Variants in MAP3K13 observed in about 807,000 individuals in gnomAD.
MAP3K13 encodes the protein mitogen-activated protein kinase kinase kinase 13.
A neutral mutation model predicts 104.0 loss-of-function variants in MAP3K13; 52 were observed. The observed-to-expected ratio is 0.50, with a 90% CI of 0.40 to 0.63. The LOEUF is 0.63. Ranked by LOEUF, MAP3K13 falls within the 20% of genes least tolerant of loss-of-function variation. The pLI, the probability that MAP3K13 is intolerant of heterozygous loss-of-function variation, is 0.00. For missense variants in MAP3K13, 914 were observed against 1,218.5 expected (o/e 0.75, Z 3.72); for synonymous variants, 394 against 442.2 (o/e 0.89, Z 1.37).
intron 1 of MAP3K13, among the ~76,000 whole-genome samples, chr3:185,377,452 A>G (rs113728087): frequency 0.079 from 12,037 of 152,036 alleles, 742 homozygotes; most frequent in East Asian, 0.19. Flanking sequence ...AAGGGCGGCA[A>G]TGAGGTGTGG....
intron 2 of MAP3K13, among the ~76,000 whole-genome samples, chr3:185,325,399 A>ACAGT (rs1722011737): frequency 6.6e-6 from 1 of 152,174 alleles, no homozygotes; most frequent in Non-Finnish European, 1.5e-5. Context: ...TTTTCCAAAT[A>ACAGT]CAGTCACATT....
chr3:185,416,730 G>GA (rs1317824739), intron 1 of MAP3K13, among the ~76,000 whole-genome samples: 11 of 151,904 alleles, frequency 7.2e-5, no homozygotes, highest in Admixed American at 2.6e-4. Flanking sequence ...CTGGGCTCAA[G>GA]TGATCCTCAG....
chr3:185,465,562 A>G (rs1427487700), intron 8 of MAP3K13, among the ~76,000 whole-genome samples, 185 bp from the exon 9 acceptor site: 1 of 152,148 alleles, frequency 6.6e-6, no homozygotes, highest in Non-Finnish European at 1.5e-5. Context: ...AACCAGGTGG[A>G]GAGCTTAGAT....
intron 1 of MAP3K13, among the ~76,000 whole-genome samples, chr3:185,366,486 A>G (rs1308166570): frequency 1.3e-5 from 2 of 152,174 alleles, no homozygotes; most frequent in Admixed American, 6.5e-5. Context: ...TGATTACTAT[A>G]TGTTTAACAT....
At chr3:185,425,917 A>G (rs1489524635) in intron 1 of MAP3K13, among the ~76,000 whole-genome samples, 1 of 152,140 alleles carries the variant, frequency 6.6e-6, no homozygotes, top group Non-Finnish European at 1.5e-5. Flanking sequence ...TGTGGCCGTT[A>G]TCTATCGGTC....
Position 185,363,314 on chromosome 3 carries a change from T to C in MAP3K13, c.-140T>C. The C allele has an allele frequency of 1.1e-5, 11 of 985,368 alleles. No homozygotes were observed. The highest frequency in any genetic ancestry group is 1.3e-5 in the Non-Finnish European group (11 of 829,910). 61.0% of individuals were successfully genotyped at this position (985,368 alleles called of 1,614,324 possible). On this transcript the variant is annotated 5_prime_UTR_variant, in exon 1 of 14. Coordinates refer to ENST00000265026, the MANE Select transcript of MAP3K13 (RefSeq NM_004721.5). ...TCTGCAAGGCTTTTAAAATTCACCT[T>C]ACATCTTTTCAAAGCAAGAAAATGG...
intron 3 of MAP3K13, among the ~76,000 whole-genome samples, chr3:185,438,019 G>A (rs2377498): frequency 0.59 from 89,845 of 152,030 alleles, 27,899 homozygotes; most frequent in Middle Eastern, 0.71. Context: ...TTGGCCGGGC[G>A]CAGTGGCTCA....
At chr3:185,451,070 A>G (rs1490675877) in intron 6 of MAP3K13, among the ~76,000 whole-genome samples, 1 of 152,246 alleles carries the variant, frequency 6.6e-6, no homozygotes, top group African/African-American at 2.4e-5. Flanking sequence ...AGCCTGAGTG[A>G]CAGAGCGAGA....
chr3:185,399,278 C>T (rs560971573), intron 1 of MAP3K13, among the ~76,000 whole-genome samples: 25 of 151,944 alleles, frequency 1.6e-4, no homozygotes, highest in African/African-American at 5.1e-4. Flanking sequence ...AAAATGGGTC[C>T]ATAAAATTTG....
intron 1 of MAP3K13, among the ~76,000 whole-genome samples, chr3:185,386,491 G>T (rs770973662): frequency 6.6e-6 from 1 of 152,076 alleles, no homozygotes; most frequent in Non-Finnish European, 1.5e-5. Context: ...AGATAATGTG[G>T]CTATTCCTAA....
chr3:185,420,089 GAA>G (rs1326149345), intron 1 of MAP3K13, among the ~76,000 whole-genome samples: 1 of 152,038 alleles, frequency 6.6e-6, no homozygotes, highest in Non-Finnish European at 1.5e-5. Flanking sequence ...AATCTTAACC[GAA>G]AATATAGGTA....
intron 3 of MAP3K13, among the ~76,000 whole-genome samples, chr3:185,441,593 G>A (rs1031712088): frequency 3.3e-5 from 5 of 152,148 alleles, no homozygotes; most frequent in Non-Finnish European, 7.3e-5. Flanking sequence ...TGCAAATAAA[G>A]GCTAATAGAT....
At chr3:185,417,507 C>T in intron 1 of MAP3K13, 1 of 1,597,710 alleles carries the variant, frequency 6.3e-7, no homozygotes. Flanking sequence ...ATGCAGCAGG[C>T]TTCTTTTCCT....
Position 185,473,538 on chromosome 3 carries a change from G to A in MAP3K13, c.2207G>A (p.Arg736Lys), listed in dbSNP as rs1205400859. The A allele has an allele frequency of 1.9e-6, 3 of 1,614,084 alleles. No individual in the cohort carries two copies. In the East Asian group the frequency reaches 6.7e-5, roughly 36 times the overall value. ...ADAYDPCLQCRPEQYGSLDIP... is the reference protein window; with the variant it reads ...ADAYDPCLQCKPEQYGSLDIP... ...GCTTATGACCCCTGCCTTCAGTGCA[G>A]GCCAGAACAGTATGGGTCCTTAGAC... Residue 736 changes from arginine (R) to lysine (K), a missense_variant, in exon 11 of 14, where the codon AGG becomes AAG. By Grantham distance (26) the Arg-to-Lys change is conservative (BLOSUM62 2). This residue lies in a region of MAP3K13 where 583 missense variants were observed against 737.4 expected (regional missense o/e 0.79). Coordinates refer to ENST00000265026, the MANE Select transcript of MAP3K13 (RefSeq NM_004721.5). The surrounding 1 kb of genome is among the most constrained non-coding windows in gnomAD (Gnocchi z 4.9).
chr3:185,480,246 T>C lies in MAP3K13; in HGVS notation c.2516T>C (p.Ile839Thr), dbSNP rs1170144474. 2.5e-6 allele frequency: 4 copies of C among 1,613,976 alleles called. No individual in the cohort carries two copies. In the East Asian group the frequency reaches 8.9e-5, roughly 36 times the overall value. The change falls in exon 13 of 14, where the codon ATC becomes ACC. Residue 839 changes from isoleucine (I) to threonine (T), a missense_variant. Around this residue, in one of 3 missense-constraint regions of MAP3K13, gnomAD observed 583 missense variants for 737.4 expected, o/e 0.79. Transcript: ENST00000265026. ...FPRRQRPHRCISSCQSYSTFS... is the reference protein window; with the variant it reads ...FPRRQRPHRCTSSCQSYSTFS... ...CTTGGTTCTAGGCCCCATCGCTGTA[T>C]CAGCAGCTGCCAGTCATATTCAACC...
chr3:185,317,885 T>G (rs1459074332), intron 2 of MAP3K13, among the ~76,000 whole-genome samples: 4 of 152,120 alleles, frequency 2.6e-5, no homozygotes, highest in Admixed American at 1.3e-4. Context: ...AAAAGTGGTT[T>G]CTATTTGAAA....
upstream of MAP3K13, chr3:185,362,957 G>GCGCA (rs1723700842): frequency 3.3e-5 from 3 of 90,296 alleles, no homozygotes; most frequent in African/African-American, 1.2e-4. Context: ...ACACACACAC[G>GCGCA]CACACACACA....
At chr3:185,403,343 C>A (rs546403176) in intron 1 of MAP3K13, among the ~76,000 whole-genome samples, 1 of 152,178 alleles carries the variant, frequency 6.6e-6, no homozygotes. Flanking sequence ...GGTGATAATA[C>A]ACTAACATTT....
chr3:185,445,377 T>A (rs1048919787), intron 4 of MAP3K13, among the ~76,000 whole-genome samples: 5 of 152,208 alleles, frequency 3.3e-5, no homozygotes, highest in African/African-American at 1.2e-4. Context: ...AGTGCTTAGT[T>A]GACTGAACAA....
Sources: allele counts gnomAD v4.1 joint callset (sites outside exome capture counted in the v4.1 genomes callset), GRCh38; gene constraint gnomAD v4.1.1; regional missense constraint gnomAD v4.1.1; non-coding constraint Gnocchi (gnomAD v3.1); transcripts MANE v1.5; gene names NCBI Gene and HGNC (gene_info 2026-07-23, HGNC 2026-07-21).